The following TMEM45A variants were observed in gnomAD, a reference collection of about 807,000 sequenced individuals.
TMEM45A encodes transmembrane protein 45A, also known as DNA polymerase-transactivated protein 4.
Under a neutral mutation model 32.0 loss-of-function variants are expected in TMEM45A, and 25 were observed. That is an observed-to-expected ratio of 0.78 (90% CI 0.57 to 1.09). The LOEUF is 1.09. Ranked by LOEUF, TMEM45A falls within the 50% of genes least tolerant of loss-of-function variation. The pLI is 0.00. For synonymous variants in TMEM45A, 122 were observed against 114.8 expected, an observed-to-expected ratio of 1.06 and a Z score of -0.40; for missense variants, 302 against 325.0, an observed-to-expected ratio of 0.93 and a Z score of 0.54.
intron 1 of TMEM45A, among the ~76,000 whole-genome samples, chr3:100,547,782 C>T (rs1316383009): frequency 6.6e-6 from 1 of 152,096 alleles, no homozygotes; most frequent in Non-Finnish European, 1.5e-5. Context: ...CAATGAGTGC[C>T]TTCCTTCCCA....
At chr3:100,492,973 A>T (rs1447820412) in intron 1 of TMEM45A, 45 bp downstream of exon 1, 1 of 152,124 alleles carries the variant, frequency 6.6e-6, no homozygotes, top group Admixed American at 6.5e-5. Context: ...TCTTGCCGTG[A>T]TCTCTATCCT....
chr3:100,556,958 C>G lies in TMEM45A; in HGVS notation c.389C>G (p.Ala130Gly). The G allele has an allele frequency of 6.2e-7, 1 of 1,614,094 alleles. No homozygotes were observed. The highest frequency in any genetic ancestry group is 2.2e-5 in the East Asian group (1 of 44,884). The stretch of plus-strand genomic sequence containing the variant: ...TTAACCAAGTTAATGTTGTCAAATG[C>G]CTTATTTGTGGAGGGTAAGTGTTAG... ...VSLTKLMLSN[A>G]LFVEAFIFYN... The change falls in exon 3 of 6, where the codon GCC becomes GGC. Residue 130 changes from alanine (A) to glycine (G), a missense_variant. By Grantham distance (60) the Ala-to-Gly change is moderately conservative. Coordinates refer to ENST00000323523, the MANE Select transcript of TMEM45A (RefSeq NM_018004.3).
chr3:100,511,808 GGCAGGGGTT>G (rs1358864777), intron 1 of TMEM45A, among the ~76,000 whole-genome samples: 8 of 151,972 alleles, frequency 5.3e-5, no homozygotes, highest in Non-Finnish European at 8.8e-5. Flanking sequence ...AACAAAAAAA[GGCAGGGGTT>G]GCAATTCTCC....
chr3:100,503,783 C>T (rs754184332), intron 1 of TMEM45A, among the ~76,000 whole-genome samples: 10 of 152,128 alleles, frequency 6.6e-5, no homozygotes, highest in African/African-American at 1.7e-4. Context: ...GACAACTTGT[C>T]GGGAAGAGGC....
At chr3:100,495,198 T>C (rs1207027502) in intron 1 of TMEM45A, among the ~76,000 whole-genome samples, 1 of 152,232 alleles carries the variant, frequency 6.6e-6, no homozygotes, top group Non-Finnish European at 1.5e-5. Context: ...TGAGGTAGAA[T>C]TGATCTTCTT....
chr3:100,575,363 C>CTCTTTTTTTTT (rs1706660425), intron 5 of TMEM45A, among the ~76,000 whole-genome samples: 5 of 62,706 alleles, frequency 8.0e-5, no homozygotes, highest in African/African-American at 2.7e-4. Context: ...TATGGATTCT[C>CTCTTTTTTTTT]TTTTTTTTTT....
intron 1 of TMEM45A, among the ~76,000 whole-genome samples, chr3:100,538,512 G>A (rs1007251904): frequency 3.0e-4 from 45 of 152,154 alleles, no homozygotes; most frequent in Admixed American, 2.5e-3. Context: ...AACACAAAAT[G>A]TCCCGTGTCA....
At chr3:100,533,021 A>G (rs1052215982) in intron 1 of TMEM45A, among the ~76,000 whole-genome samples, 30 of 152,110 alleles carry the variant, frequency 2.0e-4, no homozygotes, top group African/African-American at 7.2e-4. Flanking sequence ...CTTTCTCATT[A>G]TCTTTAAAGT....
chr3:100,541,723 G>A (rs1705884374), intron 1 of TMEM45A, among the ~76,000 whole-genome samples: 1 of 151,916 alleles, frequency 6.6e-6, no homozygotes, highest in Non-Finnish European at 1.5e-5. Context: ...TAGAGACAGG[G>A]TTTTGCCATG....
At position 100,516,294 on chromosome 3, in the gene TMEM45A, A is replaced by T. The variant is rs187424579; in HGVS notation, c.-4+23366A>T. On this transcript the variant is annotated intron_variant, in intron 1 of 5. Transcript: ENST00000323523. ...TACACTGGAAACTTGATATAATCTA[A>T]TTGATGTTAATTGTGATAAGTGTTG... Among the ~76,000 whole-genome samples, 7 of 152,314 alleles carry T rather than the reference A, an allele frequency of 4.6e-5. No homozygotes were observed. In the East Asian group the frequency reaches 1.3e-3, roughly 29 times the overall value.
At chr3:100,559,518 C>T (rs1481188881) in intron 4 of TMEM45A, among the ~76,000 whole-genome samples, 1 of 151,908 alleles carries the variant, frequency 6.6e-6, no homozygotes, top group Non-Finnish European at 1.5e-5. Context: ...GGGGCTAGAT[C>T]CAAGGGTTAT....
At chr3:100,518,593 C>T (rs1224083099) in intron 1 of TMEM45A, among the ~76,000 whole-genome samples, 1 of 152,166 alleles carries the variant, frequency 6.6e-6, no homozygotes, top group Non-Finnish European at 1.5e-5. Context: ...TCCAGCAGGC[C>T]TTATTTCTTA....
At chr3:100,563,016 C>G (rs1434875354) in intron 4 of TMEM45A, among the ~76,000 whole-genome samples, 1 of 152,180 alleles carries the variant, frequency 6.6e-6, no homozygotes, top group Non-Finnish European at 1.5e-5. Context: ...AATTGGGTGA[C>G]TTACAAGAGA....
At chr3:100,534,204 A>G (rs562766403) in intron 1 of TMEM45A, among the ~76,000 whole-genome samples, 25 of 152,246 alleles carry the variant, frequency 1.6e-4, no homozygotes, top group African/African-American at 5.8e-4. Flanking sequence ...CATTCCTAAG[A>G]GGGTTGTGAT....
At chr3:100,569,651 C>G (rs1706519093) in intron 5 of TMEM45A, among the ~76,000 whole-genome samples, 1 of 152,096 alleles carries the variant, frequency 6.6e-6, no homozygotes, top group South Asian at 2.1e-4. Context: ...AGTATTTAAG[C>G]TTAGGACATA....
At chr3:100,575,229 C>A (rs1706657753) in intron 5 of TMEM45A, among the ~76,000 whole-genome samples, 1 of 152,114 alleles carries the variant, frequency 6.6e-6, no homozygotes, top group Non-Finnish European at 1.5e-5. Flanking sequence ...ACAGGAAAAG[C>A]TTTGCCTAGT....
chr3:100,537,622 G>C (rs1193883073), intron 1 of TMEM45A, among the ~76,000 whole-genome samples: 1 of 152,218 alleles, frequency 6.6e-6, no homozygotes, highest in Non-Finnish European at 1.5e-5. Context: ...AGAAAGGAGA[G>C]AGAAGAGCAG....
intron 1 of TMEM45A, among the ~76,000 whole-genome samples, chr3:100,548,375 A>C (rs1326697036): frequency 6.6e-5 from 10 of 152,324 alleles, no homozygotes; most frequent in Non-Finnish European, 2.9e-5. Flanking sequence ...TATCATCTGC[A>C]AAAAGAAGAG....
chr3:100,539,870 A>G (rs1318480307), intron 1 of TMEM45A, among the ~76,000 whole-genome samples: 1 of 148,910 alleles, frequency 6.7e-6, no homozygotes, highest in Non-Finnish European at 1.5e-5. Context: ...TTCTTAGCCC[A>G]GTCAAATTGA....
Sources: gnomAD v4.1 joint callset for allele counts (sites outside exome capture counted in the v4.1 genomes callset) on GRCh38, gnomAD v4.1.1 for gene constraint, MANE v1.5 for transcripts, NCBI Gene and HGNC (gene_info 2026-07-23, HGNC 2026-07-21) for gene names.